The following SLC25A38 variants were observed in gnomAD, a reference collection of about 807,000 sequenced individuals.
The protein encoded by SLC25A38 is mitochondrial glycine transporter.
Under a neutral mutation model 33.4 loss-of-function variants are expected in SLC25A38, and 27 were observed. That is an observed-to-expected ratio of 0.81 (90% CI 0.60 to 1.11). SLC25A38 has a LOEUF of 1.11. Among genes scored for constraint, SLC25A38 ranks in the 50% most tolerant of loss-of-function variants. SLC25A38 has a pLI of 0.00. For missense variants in SLC25A38, 344 were observed against 388.8 expected, an observed-to-expected ratio of 0.88 and a Z score of 0.97; for synonymous variants, 123 against 145.9, an observed-to-expected ratio of 0.84 and a Z score of 1.13.
In SLC25A38 at chr3:39,396,959, G is replaced by T. The variant is rs760824588; in HGVS notation, c.*439G>T. On this transcript the variant is annotated 3_prime_UTR_variant, in exon 7 of 7. Transcript: ENST00000650617. ...CAGGGAAGACTGGATGTGAGGAGAG[G>T]AGTCACTGTCACCAGGTCACAGACT... The T allele has an allele frequency of 7.0e-6, 2 of 286,120 alleles. No individual in the cohort carries two copies. Among genetic ancestry groups the T allele is most frequent in the Non-Finnish European group, 1.4e-5 (2 of 145,378 alleles). 17.7% of individuals were successfully genotyped at this position (286,120 alleles called of 1,614,324 possible).
rs2041672857 is a variant in SLC25A38, at chr3:39,383,668, G to A, written c.-57G>A. 2.5e-6 allele frequency: 4 copies of A among 1,605,416 alleles called. No individual in the cohort carries two copies. The Admixed American group carries it at 5.0e-5, about 20-fold the overall frequency. ...CCTTCTTCAAGGCCTCCAGGGCTGGGCCCAAGCGCCCGTCGACGGCACCCT... is the reference window on the plus strand; with the variant it reads ...CCTTCTTCAAGGCCTCCAGGGCTGGACCCAAGCGCCCGTCGACGGCACCCT... On this transcript the variant is annotated 5_prime_UTR_variant, in exon 1 of 7. Coordinates refer to ENST00000650617, the MANE Select transcript of SLC25A38 (RefSeq NM_017875.4).
rs1575239842 is a variant in SLC25A38, at chr3:39,383,577, T to G, written c.-148T>G. 1.2e-6 allele frequency: 1 copy of G among 826,862 alleles called. No homozygotes were observed. The highest frequency in any genetic ancestry group is 2.7e-5 in the East Asian group (1 of 37,316). 51.2% of individuals were successfully genotyped at this position (826,862 alleles called of 1,614,324 possible). A position where few individuals can be genotyped will look rare whatever the true frequency, so the allele number is the denominator to read the frequency against. ...GATCCGAACCCCGGCGGCTGCGTGC[T>G]TATAGGCGCAGACGTCAGAGAGCCC... is the stretch of plus-strand genomic sequence containing the variant. On this transcript the variant is annotated 5_prime_UTR_variant, in exon 1 of 7. Transcript: ENST00000650617.
Position 39,390,406 on chromosome 3 carries a change from A to AT in SLC25A38, c.192-13dup, listed in dbSNP as rs765352415. Reference sequence around the variant, plus strand: ...AAGTGATTTTTTCCTTCCTGTCTCCATTTTGTCTGCTTTCAGGTCTAGACG... The same window carrying AT: ...AAGTGATTTTTTCCTTCCTGTCTCCATTTTTGTCTGCTTTCAGGTCTAGACG... On this transcript the variant is annotated splice_polypyrimidine_tract_variant and intron_variant, in intron 2 of 6. Transcript: ENST00000650617. 6.2e-6 allele frequency: 10 copies of AT among 1,613,936 alleles called. No individual in the cohort carries two copies. The highest frequency in any genetic ancestry group is 7.6e-6 in the Non-Finnish European group (9 of 1,179,964).
chr3:39,396,055 C>T (rs1380706553), intron 6 of SLC25A38, among the ~76,000 whole-genome samples: 4 of 151,854 alleles, frequency 2.6e-5, no homozygotes, highest in African/African-American at 7.3e-5. Flanking sequence ...ACTAAAAATA[C>T]GAAAATTAGC....
intron 1 of SLC25A38, among the ~76,000 whole-genome samples, chr3:39,385,475 A>C (rs2041699070): frequency 1.3e-5 from 2 of 152,172 alleles, no homozygotes; most frequent in Non-Finnish European, 2.9e-5. Context: ...AGCACTGGGG[A>C]AGCAGCGCCT....
Position 39,396,814 on chromosome 3 carries a change from C to T in SLC25A38, c.*294C>T, listed in dbSNP as rs1188356875. On this transcript the variant is annotated 3_prime_UTR_variant, in exon 7 of 7. Coordinates refer to ENST00000650617, the MANE Select transcript of SLC25A38 (RefSeq NM_017875.4). ...AGGCATTTTCCCAGGAGAGCTCTGT[C>T]AGGTGGCTGCGCTTCAGCCCCACCC... is the stretch of plus-strand genomic sequence containing the variant. The T allele has an allele frequency of 4.6e-6, 2 of 431,038 alleles. No homozygotes were observed. Among genetic ancestry groups the T allele is most frequent in the African/African-American group, 2.0e-5 (1 of 49,376 alleles). The allele number at this position is 431,038 out of a possible 1,614,324, so 26.7% of individuals were successfully genotyped here. A position where few individuals can be genotyped will look rare whatever the true frequency, so the allele number is the denominator to read the frequency against.
chr3:39,390,089 C>T (rs530738645), intron 2 of SLC25A38, among the ~76,000 whole-genome samples: 4 of 152,202 alleles, frequency 2.6e-5, no homozygotes, highest in East Asian at 3.9e-4. Flanking sequence ...TGCAGGTGCT[C>T]GCCACCATAC....
intron 5 of SLC25A38, among the ~76,000 whole-genome samples, chr3:39,392,708 T>C (rs2041785878): frequency 6.6e-6 from 1 of 152,076 alleles, no homozygotes; most frequent in Admixed American, 6.6e-5. Flanking sequence ...ATAAAGTGTC[T>C]ATGGATAATT....
Position 39,389,586 on chromosome 3 carries a change from G to T in SLC25A38, c.161G>T (p.Arg54Leu), listed in dbSNP as rs144319567. Reference protein sequence around the residue: ...LFQPLDLLKTRLQTLQPSDHG... With the variant: ...LFQPLDLLKTLLQTLQPSDHG... ...CAACCTCTGGATCTCCTTAAAACAC[G>T]CCTGCAAACCCTCCAGCCCTCAGAT... The change falls in exon 2 of 7, where the codon CGC becomes CTC. Residue 54 changes from arginine to leucine, a missense_variant. By Grantham distance (102) the Arg-to-Leu change is moderately radical. Coordinates refer to ENST00000650617, the MANE Select transcript of SLC25A38 (RefSeq NM_017875.4). The surrounding 1 kb of genome is among the most constrained non-coding windows in gnomAD (Gnocchi z 4.5). The T allele has an allele frequency of 3.1e-6, 5 of 1,613,932 alleles. No homozygotes were observed. In the African/African-American group the frequency reaches 4.0e-5, roughly 13 times the overall value.
At position 39,383,553 on chromosome 3, in the gene SLC25A38, A is replaced by G; in HGVS notation, c.-172A>G. On this transcript the variant is annotated 5_prime_UTR_variant, in exon 1 of 7. Transcript: ENST00000650617. ...CGCCCGCAGCCCCTGGACTAGCAGG[A>G]TCCGAACCCCGGCGGCTGCGTGCTT... 1 of 680,884 alleles carries G rather than the reference A, an allele frequency of 1.5e-6. No homozygotes were observed. Among genetic ancestry groups the G allele is most frequent in the Non-Finnish European group, 2.6e-6 (1 of 386,988 alleles). The allele number at this position is 680,884 out of a possible 1,614,324, so 42.2% of individuals were successfully genotyped here.
chr3:39,394,533 T>C lies in SLC25A38; in HGVS notation c.749T>C (p.Leu250Pro), dbSNP rs2041807692. 1 of 1,614,088 alleles carries C rather than the reference T, an allele frequency of 6.2e-7. No individual in the cohort carries two copies. Among genetic ancestry groups the C allele is most frequent in the African/African-American group, 1.3e-5 (1 of 74,946 alleles). The change falls in exon 6 of 7, where the codon CTG becomes CCG. Residue 250 changes from leucine to proline, a missense_variant. Physicochemically the swap from Leu to Pro is moderately conservative, Grantham distance 98. Around this residue, in one of 2 missense-constraint regions of SLC25A38, gnomAD observed 75 missense variants for 117.0 expected, o/e 0.64. Transcript: ENST00000650617. ...AAAACTCATATGCAGCTTTATCCAC[T>C]GAAGTTTCAATGGATTGGCCAAGCA... ...VIKTHMQLYP[L>P]KFQWIGQAVT...
intron 1 of SLC25A38, among the ~76,000 whole-genome samples, chr3:39,387,184 GAA>G (rs1458387030): frequency 6.6e-6 from 1 of 152,174 alleles, no homozygotes; most frequent in Non-Finnish European, 1.5e-5. Flanking sequence ...GTGGTATGGT[GAA>G]AAGAGTATGA....
At chr3:39,396,089 A>T (rs982164758) in intron 6 of SLC25A38, among the ~76,000 whole-genome samples, 4 of 151,954 alleles carry the variant, frequency 2.6e-5, no homozygotes, top group African/African-American at 4.8e-5. Flanking sequence ...GGGCGCCTGT[A>T]GTCCCACCTA....
intron 1 of SLC25A38, among the ~76,000 whole-genome samples, chr3:39,386,187 T>G (rs1273084990): frequency 5.4e-4 from 83 of 152,318 alleles, no homozygotes; most frequent in Non-Finnish European, 1.5e-4. Context: ...TCTTTTTTTT[T>G]GGTCTTGTTT....
chr3:39,386,931 T>A (rs2041713929), intron 1 of SLC25A38, among the ~76,000 whole-genome samples: 1 of 152,046 alleles, frequency 6.6e-6, no homozygotes, highest in South Asian at 2.1e-4. Flanking sequence ...CGTGGCTGTG[T>A]GAGACTGAGC....
chr3:39,387,235 T>C (rs1302558096), intron 1 of SLC25A38, among the ~76,000 whole-genome samples: 3 of 152,202 alleles, frequency 2.0e-5, no homozygotes, highest in African/African-American at 4.8e-5. Context: ...CCCTGTGACA[T>C]AGGACACATT....
intron 2 of SLC25A38, 44 bp from the exon 3 acceptor site, chr3:39,390,379 C>G (rs764403946): frequency 1.3e-6 from 2 of 1,593,314 alleles, no homozygotes; most frequent in Non-Finnish European, 1.7e-6. Context: ...AGGAAGTGAT[C>G]TAAGTGATTT....
chr3:39,387,657 C>T (rs765394122), intron 1 of SLC25A38, among the ~76,000 whole-genome samples: 2 of 152,038 alleles, frequency 1.3e-5, no homozygotes, highest in African/African-American at 4.8e-5. Flanking sequence ...GACAAGGAGA[C>T]ATTAGCAGAG....
At position 39,389,340 on chromosome 3, in the gene SLC25A38, C is replaced by T. The variant is rs757286486; in HGVS notation, c.70-155C>T. On this transcript the variant is annotated intron_variant, in intron 1 of 6. Transcript: ENST00000650617. This position sits in a 1 kb window ranked among gnomAD's most constrained non-coding sequence, Gnocchi z 4.5. Reference sequence around the variant, plus strand: ...ACATTGCAGTATTTTTAATTTCTGGCTATACTTTTTCCTTCTCCGAGGTAT... The same window carrying T: ...ACATTGCAGTATTTTTAATTTCTGGTTATACTTTTTCCTTCTCCGAGGTAT... 1.8e-6 allele frequency: 2 copies of T among 1,139,944 alleles called. No homozygotes were observed. The highest frequency in any genetic ancestry group is 1.3e-5 in the South Asian group (1 of 76,964). 70.6% of individuals were successfully genotyped at this position (1,139,944 alleles called of 1,614,324 possible).
Sources: gnomAD v4.1 joint callset for allele counts (sites outside exome capture counted in the v4.1 genomes callset) on GRCh38, gnomAD v4.1.1 for gene constraint, gnomAD v4.1.1 regional missense constraint, Gnocchi (gnomAD v3.1) non-coding constraint, MANE v1.5 for transcripts, NCBI Gene and HGNC (gene_info 2026-07-23, HGNC 2026-07-21) for gene names.